Variants in CCNO observed in about 807,000 individuals in gnomAD.
The protein encoded by CCNO is cyclin-O.
In CCNO, 24 loss-of-function variants were observed where a neutral mutation model predicts 23.9. The observed-to-expected ratio is 1.00, with a 90% CI of 0.73 to 1.41. The LOEUF (loss-of-function observed/expected upper bound fraction) is 1.41, where lower values mean the gene tolerates loss of function less well. Among genes scored for constraint, CCNO ranks in the 40% most tolerant of loss-of-function variants. The pLI, the probability that CCNO is intolerant of heterozygous loss-of-function variation, is 0.00. For missense variants in CCNO, 542 were observed against 476.2 expected (o/e 1.14, Z -1.29); for synonymous variants, 241 against 225.7 (o/e 1.07, Z -0.61).
chr5:55,232,713 C>T (rs1580411435), intron 1 of CCNO, 167 bp from the exon 2 acceptor site: 1 of 665,882 alleles, frequency 1.5e-6, no homozygotes, highest in East Asian at 2.7e-5. Flanking sequence ...CCGTGCTGAG[C>T]CGGAACACCG....
rs1437602743 is a variant in CCNO, at chr5:55,233,581, A to T, written c.-58T>A. ...ACGCCCGGGCTGCGGCGGGCAGCAA[A>T]CGCGCACTCGAAAGTGCGAAGGAGG... On this transcript the variant is annotated 5_prime_UTR_variant, in exon 1 of 3. Coordinates refer to ENST00000282572, the MANE Select transcript of CCNO (RefSeq NM_021147.5). 6.9e-7 allele frequency: 1 copy of T among 1,451,428 alleles called. No homozygotes were observed. Among genetic ancestry groups the T allele is most frequent in the Non-Finnish European group, 9.0e-7 (1 of 1,106,182 alleles). The allele number at this position is 1,451,428 out of a possible 1,614,324, so 89.9% of individuals were successfully genotyped here.
At position 55,231,503 on chromosome 5, in the gene CCNO, G is replaced by A; in HGVS notation, c.925C>T (p.Pro309Ser). Residue 309 changes from proline (P) to serine (S), a missense_variant, in exon 3 of 3, where the codon CCG becomes TCG. Physicochemically the swap from Pro to Ser is moderately conservative, Grantham distance 74 (BLOSUM62 -1). Transcript: ENST00000282572. ...RPVDLRLGDH[P>S]EAALEDCMGK... Reference sequence around the variant, plus strand: ...ATACAGTCCTCCAGCGCCGCCTCCGGGTGGTCTCCCAGTCGCAAGTCCACG... The same window carrying A: ...ATACAGTCCTCCAGCGCCGCCTCCGAGTGGTCTCCCAGTCGCAAGTCCACG... 6.2e-7 allele frequency: 1 copy of A among 1,613,858 alleles called. No individual in the cohort carries two copies. The highest frequency in any genetic ancestry group is 8.5e-7 in the Non-Finnish European group (1 of 1,180,018).
rs750998590 is a variant in CCNO, at chr5:55,233,153, C to A, written c.371G>T (p.Arg124Leu). 27 of 1,543,586 alleles carry A rather than the reference C, an allele frequency of 1.7e-5. No individual in the cohort carries two copies. Among genetic ancestry groups the A allele is most frequent in the South Asian group, 4.8e-5 (4 of 83,968 alleles). The change falls in exon 1 of 3, where the codon CGG becomes CTG. Residue 124 changes from arginine (R) to leucine (L), a missense_variant. Coordinates refer to ENST00000282572, the MANE Select transcript of CCNO (RefSeq NM_021147.5). ...SHFHPREALA[R>L]QPQVTAESRC... ...CTACCAGCACCTCACTTGTGGCTGC[C>A]GTGCCAGCGCCTCCCGCGGGTGGAA... is the stretch of plus-strand genomic sequence containing the variant.
In CCNO at chr5:55,231,383, A is replaced by G. The variant is rs1307227634; in HGVS notation, c.1045T>C (p.Ser349Pro). Residue 349 changes from serine to proline, a missense_variant, in exon 3 of 3, where the codon TCG (serine) becomes CCG (proline). By Grantham distance (74) the Ser-to-Pro change is moderately conservative (BLOSUM62 -1). Coordinates refer to ENST00000282572, the MANE Select transcript of CCNO (RefSeq NM_021147.5). ...GAAACGAAGGATCTGTTTTATTTCG[A>G]GCTCGGGGGCAGGCTGCACTTCTCG... ...ICEKCSLPPS[S>P]K is the part of the protein sequence containing the mutation. 6.2e-7 allele frequency: 1 copy of G among 1,613,570 alleles called. No individual in the cohort carries two copies. Among genetic ancestry groups the G allele is most frequent in the Non-Finnish European group, 8.5e-7 (1 of 1,179,718 alleles).
chr5:55,232,429 T>C lies in CCNO; in HGVS notation c.499A>G (p.Thr167Ala), dbSNP rs761255457. ...AAGCAGTCTGCAGCCACCGGCGTGGTGGTGAGGAAGCGGTCCAGAGTGTTC... is the reference window on the plus strand; with the variant it reads ...AAGCAGTCTGCAGCCACCGGCGTGGCGGTGAGGAAGCGGTCCAGAGTGTTC... ...TVNTLDRFLT[T>A]TPVAADCFQL... is the part of the protein sequence containing the mutation. Residue 167 changes from threonine to alanine, a missense_variant, in exon 2 of 3, where the codon ACC becomes GCC. Physicochemically the swap from Thr to Ala is moderately conservative, Grantham distance 58. Coordinates refer to ENST00000282572, the MANE Select transcript of CCNO (RefSeq NM_021147.5). 2.5e-6 allele frequency: 4 copies of C among 1,613,820 alleles called. No individual in the cohort carries two copies. The South Asian group carries it at 4.4e-5, about 18-fold the overall frequency.
At chr5:55,232,973 C>T (rs957049637) in intron 1 of CCNO, 170 bp downstream of exon 1, 1 of 694,380 alleles carries the variant, frequency 1.4e-6, no homozygotes. Context: ...TTTTCTCCAT[C>T]TGTAAAATGA....
chr5:55,233,570 G>A lies in CCNO; in HGVS notation c.-47C>T, dbSNP rs202116216. The A allele has an allele frequency of 2.7e-6, 4 of 1,469,850 alleles. No homozygotes were observed. In the African/African-American group the frequency reaches 4.2e-5, roughly 16 times the overall value. The allele number at this position is 1,469,850 out of a possible 1,614,324, so 91.1% of individuals were successfully genotyped here. A position where few individuals can be genotyped will look rare whatever the true frequency, so the allele number is the denominator to read the frequency against. On this transcript the variant is annotated 5_prime_UTR_variant, in exon 1 of 3. Transcript: ENST00000282572. ...TACTACCTTCAACGCCCGGGCTGCG[G>A]CGGGCAGCAAACGCGCACTCGAAAG... is the stretch of plus-strand genomic sequence containing the variant.
chr5:55,233,437 C>A lies in CCNO; in HGVS notation c.87G>T (p.Val29=). The stretch of plus-strand genomic sequence containing the variant: ...GGAGGCGCGGACGCCTGCTCTTCTT[C>A]ACCGGGGCGCGAAGGTTCTGGTCGT... ...RDNDQNLRAP[V]KKSRRPRLRR... Residue 29 remains valine, a synonymous_variant, in exon 1 of 3, where the codon GTG becomes GTT. Transcript: ENST00000282572. The A allele has an allele frequency of 6.2e-7, 1 of 1,605,634 alleles. No homozygotes were observed. Among genetic ancestry groups the A allele is most frequent in the South Asian group, 1.1e-5 (1 of 89,840 alleles).
Position 55,232,351 on chromosome 5 carries a change from C to A in CCNO, c.567+10G>T. The A allele has an allele frequency of 1.9e-6, 3 of 1,611,386 alleles. No individual in the cohort carries two copies. The highest frequency in any genetic ancestry group is 2.5e-6 in the Non-Finnish European group (3 of 1,178,398). ...AGATGCCGCGTGTACCTGTTTGATACCCCAGGTACCTGTTTGCAAGCGATG... is the reference window on the plus strand; with the variant it reads ...AGATGCCGCGTGTACCTGTTTGATAACCCAGGTACCTGTTTGCAAGCGATG... On this transcript the variant is annotated intron_variant, in intron 2 of 2. Transcript: ENST00000282572.
Position 55,231,519 on chromosome 5 carries a change from C to A in CCNO, c.909G>T (p.Leu303Phe). The A allele has an allele frequency of 6.2e-7, 1 of 1,613,718 alleles. No homozygotes were observed. The highest frequency in any genetic ancestry group is 8.5e-7 in the Non-Finnish European group (1 of 1,180,008). The change falls in exon 3 of 3, where the codon TTG (leucine) becomes TTT (phenylalanine). Residue 303 changes from leucine (L) to phenylalanine (F), a missense_variant. Transcript: ENST00000282572. ...CCGCCTCCGGGTGGTCTCCCAGTCG[C>A]AAGTCCACGGGCCGCGAGACCCGCA... ...RMLRVSRPVDLRLGDHPEAAL... is the reference protein window; with the variant it reads ...RMLRVSRPVDFRLGDHPEAAL...
At position 55,231,553 on chromosome 5, in the gene CCNO, T is replaced by TCC; in HGVS notation, c.873_874dup (p.Asp292GlyfsTer36). ...GGGCCGCGAGACCCGCAGCATGCGGTCCGCCAGCGCCAGGCAGCAGATCGC... is the reference window on the plus strand; with the variant it reads ...GGGCCGCGAGACCCGCAGCATGCGGTCCCCGCCAGCGCCAGGCAGCAGATCGC... On this transcript the variant is annotated frameshift_variant, in exon 3 of 3. Transcript: ENST00000282572. LOFTEE classifies it high-confidence loss of function. 2 of 1,613,458 alleles carry TCC rather than the reference T, an allele frequency of 1.2e-6. No individual in the cohort carries two copies. The highest frequency in any genetic ancestry group is 1.7e-6 in the Non-Finnish European group (2 of 1,179,962).
chr5:55,233,338 C>G lies in CCNO; in HGVS notation c.186G>C (p.Glu62Asp), dbSNP rs773237329. 6.2e-7 allele frequency: 1 copy of G among 1,607,008 alleles called. No individual in the cohort carries two copies. ...CGCCGTCTGAGCCGGAGCTGGGGGA[C>G]TCGAACAGGTCGCAAATGCCGGAGT... ...PGDSGICDLF[E>D]SPSSGSDGAE... The change falls in exon 1 of 3, where the codon GAG becomes GAC. Residue 62 changes from glutamate (E) to aspartate (D), a missense_variant. Physicochemically the swap from Glu to Asp is conservative, Grantham distance 45 (BLOSUM62 2). Coordinates refer to ENST00000282572, the MANE Select transcript of CCNO (RefSeq NM_021147.5).
intron 2 of CCNO, among the ~76,000 whole-genome samples, 200 bp downstream of exon 2, chr5:55,232,161 C>T (rs924685060): frequency 6.6e-6 from 1 of 152,162 alleles, no homozygotes; most frequent in African/African-American, 2.4e-5. Flanking sequence ...CTTTGGAAGC[C>T]GAGTGACAGG....
chr5:55,232,539 G>A lies in CCNO; in HGVS notation c.389C>T (p.Ala130Val). 1 of 1,613,360 alleles carries A rather than the reference G, an allele frequency of 6.2e-7. No homozygotes were observed. Among genetic ancestry groups the A allele is most frequent in the Non-Finnish European group, 8.5e-7 (1 of 1,179,950 alleles). ...EALARQPQVT[A>V]ESRCKLLSWL... ...GCTGAGCAGCTTACAGCGGGATTCC[G>A]CCGTCACCTGCCGGGAAGGAGGGGG... The change falls in exon 2 of 3, where the codon GCG becomes GTG. Residue 130 changes from alanine (A) to valine (V), a missense_variant. By Grantham distance (64) the Ala-to-Val change is moderately conservative. Transcript: ENST00000282572.
chr5:55,231,964 G>A (rs1232280854), intron 2 of CCNO, 104 bp from the exon 3 acceptor site: 3 of 1,326,582 alleles, frequency 2.3e-6, no homozygotes, highest in South Asian at 1.5e-5. Context: ...AGAGACAGCC[G>A]GGGCTCTGCC....
chr5:55,231,940 C>T, intron 2 of CCNO, 80 bp from the exon 3 acceptor site: 1 of 1,430,786 alleles, frequency 7.0e-7, no homozygotes, highest in Non-Finnish European at 9.2e-7. Context: ...CCGGACTTTC[C>T]CCATCCCTTC....
chr5:55,231,707 T>C lies in CCNO; in HGVS notation c.721A>G (p.Thr241Ala). The change falls in exon 3 of 3, where the codon ACG becomes GCG. Residue 241 changes from threonine (T) to alanine (A), a missense_variant. By Grantham distance (58) the Thr-to-Ala change is moderately conservative. Coordinates refer to ENST00000282572, the MANE Select transcript of CCNO (RefSeq NM_021147.5). Reference protein sequence around the residue: ...PTISFFLEHFTHARVEAGQAE... With the variant: ...PTISFFLEHFAHARVEAGQAE... ...TGCCCCGCCTCCACGCGAGCGTGCG[T>C]GAAATGCTCCAGGAAGAAGCTAATG... 3 of 1,578,772 alleles carry C rather than the reference T, an allele frequency of 1.9e-6. No individual in the cohort carries two copies. The highest frequency in any genetic ancestry group is 1.1e-5 in the South Asian group (1 of 87,138).
At position 55,233,439 on chromosome 5, in the gene CCNO, C is replaced by G; in HGVS notation, c.85G>C (p.Val29Leu). The change falls in exon 1 of 3, where the codon GTG becomes CTG. Residue 29 changes from valine (V) to leucine (L), a missense_variant. Physicochemically the swap from Val to Leu is conservative, Grantham distance 32 (BLOSUM62 1). Transcript: ENST00000282572. ...AGGCGCGGACGCCTGCTCTTCTTCA[C>G]CGGGGCGCGAAGGTTCTGGTCGTTG... is the stretch of plus-strand genomic sequence containing the variant. The part of the protein sequence containing the change: ...RDNDQNLRAP[V>L]KKSRRPRLRR... 1 of 1,605,516 alleles carries G rather than the reference C, an allele frequency of 6.2e-7. No homozygotes were observed. The highest frequency in any genetic ancestry group is 8.5e-7 in the Non-Finnish European group (1 of 1,176,822).
Position 55,232,423 on chromosome 5 carries a change from G to A in CCNO, c.505C>T (p.Pro169Ser), listed in dbSNP as rs763746503. The A allele has an allele frequency of 2.5e-6, 4 of 1,613,908 alleles. No homozygotes were observed. The African/African-American group carries it at 5.3e-5, about 22-fold the overall frequency. The change falls in exon 2 of 3, where the codon CCG becomes TCG. Residue 169 changes from proline (P) to serine (S), a missense_variant. Pro to Ser is a moderately conservative substitution (Grantham distance 74). Transcript: ENST00000282572. ...NTLDRFLTTT[P>S]VAADCFQLLG... ...AGCTGGAAGCAGTCTGCAGCCACCG[G>A]CGTGGTGGTGAGGAAGCGGTCCAGA...
Sources: allele counts gnomAD v4.1 joint callset (sites outside exome capture counted in the v4.1 genomes callset), GRCh38; gene constraint gnomAD v4.1.1; transcripts MANE v1.5; gene names NCBI Gene and HGNC (gene_info 2026-07-23, HGNC 2026-07-21).